Variants in DPP6 observed in about 807,000 individuals in gnomAD.
The protein encoded by DPP6 is dipeptidyl peptidase like 6, also known as A-type potassium channel modulatory protein DPP6.
A neutral mutation model predicts 122.6 loss-of-function variants in DPP6; 69 were observed. That is an observed-to-expected ratio of 0.56 (90% CI 0.46 to 0.69). The LOEUF (loss-of-function observed/expected upper bound fraction) is 0.69, where lower values mean the gene tolerates loss of function less well. Among genes scored for constraint, DPP6 ranks in the 30% least tolerant of loss-of-function variants. The pLI, the probability that DPP6 is intolerant of heterozygous loss-of-function variation, is 0.00. For missense variants in DPP6, 928 were observed against 1,116.9 expected (o/e 0.83, Z 2.41); for synonymous variants, 418 against 433.1 (o/e 0.97, Z 0.43).
At chr7:154,646,052 A>G (rs1836460840) in intron 6 of DPP6, among the ~76,000 whole-genome samples, 1 of 150,826 alleles carries the variant, frequency 6.6e-6, no homozygotes, top group South Asian at 2.1e-4. Flanking sequence ...AAAAGAAAAT[A>G]CTGAGGGCTC....
intron 1 of DPP6, among the ~76,000 whole-genome samples, chr7:154,409,742 T>G (rs1443173159): frequency 6.6e-6 from 1 of 152,160 alleles, no homozygotes; most frequent in Non-Finnish European, 1.5e-5. Context: ...TGAGGTTCCT[T>G]TTACTTGTGA....
chr7:154,859,518 T>C (rs577209704), intron 17 of DPP6, among the ~76,000 whole-genome samples: 2 of 152,358 alleles, frequency 1.3e-5, no homozygotes, highest in East Asian at 3.9e-4. Flanking sequence ...TTGAAATTAC[T>C]GTTTCAGAAT....
At position 154,819,874 on chromosome 7, in the gene DPP6, G is replaced by T. The variant is rs953042012; in HGVS notation, c.1666+12762G>T. On this transcript the variant is annotated intron_variant, in intron 16 of 25. Coordinates refer to ENST00000377770, the MANE Select transcript of DPP6 (RefSeq NM_130797.4). ...TAAAATGAAGACCAAAAAGAAGTTT[G>T]TTTTTTTAGAATTCTGAATTGTGGA... 2.6e-5 allele frequency among the ~76,000 whole-genome samples: 4 copies of T among 152,308 alleles called. No individual in the cohort carries two copies. In the East Asian group the frequency reaches 7.7e-4, roughly 29 times the overall value.
intron 3 of DPP6, among the ~76,000 whole-genome samples, chr7:154,519,846 T>C (rs765970703): frequency 6.6e-6 from 1 of 152,192 alleles, no homozygotes; most frequent in Non-Finnish European, 1.5e-5. Context: ...GGTCAAAAGG[T>C]GTAGTTGGTT....
chr7:154,783,785 C>T lies in DPP6; in HGVS notation c.1137-10294C>T, dbSNP rs141663076. On this transcript the variant is annotated intron_variant, in intron 10 of 25. Coordinates refer to ENST00000377770, the MANE Select transcript of DPP6 (RefSeq NM_130797.4). Reference sequence around the variant, plus strand: ...GTAGAAGCACTTCCTTCTCCTTGCTCTTTGTCTCAAGGAGCTCCCCGCCTG... The same window carrying T: ...GTAGAAGCACTTCCTTCTCCTTGCTTTTTGTCTCAAGGAGCTCCCCGCCTG... 2.4e-4 allele frequency among the ~76,000 whole-genome samples: 36 copies of T among 152,246 alleles called. No individual in the cohort carries two copies. In the Middle Eastern group the frequency reaches 0.02, roughly 86 times the overall value.
At chr7:154,572,756 T>G (rs1249112574) in intron 5 of DPP6, among the ~76,000 whole-genome samples, 1 of 151,158 alleles carries the variant, frequency 6.6e-6, no homozygotes, top group Admixed American at 6.6e-5. Flanking sequence ...CTCAGCTCAC[T>G]GCAACCTCCA....
chr7:153,862,763 C>A, the DPP6 span, among the ~76,000 whole-genome samples: 1 of 151,882 alleles, frequency 6.6e-6, no homozygotes, highest in Middle Eastern at 3.4e-3. Flanking sequence ...AATAAAAGTC[C>A]ATTTTAATAC....
intron 16 of DPP6, among the ~76,000 whole-genome samples, chr7:154,843,908 G>A (rs555915991): frequency 9.8e-5 from 15 of 152,316 alleles, no homozygotes; most frequent in African/African-American, 2.9e-4. Flanking sequence ...TCTGTCTTCC[G>A]TACTGGACTC....
chr7:154,062,842 G>T (rs1159431714), intron 1 of DPP6, among the ~76,000 whole-genome samples: 1 of 130,284 alleles, frequency 7.7e-6, no homozygotes, highest in Non-Finnish European at 1.7e-5. Context: ...GGCGGGGACT[G>T]CGAGCCAGAC....
At chr7:154,127,652 G>GAC (rs66703506) in intron 1 of DPP6, among the ~76,000 whole-genome samples, 26,490 of 78,950 alleles carry the variant, frequency 0.34, 2,735 homozygotes, top group East Asian at 0.62. Flanking sequence ...CACACACACA[G>GAC]ACACACACAC....
intron 3 of DPP6, among the ~76,000 whole-genome samples, chr7:154,496,368 A>G (rs1824738348): frequency 6.6e-6 from 1 of 152,254 alleles, no homozygotes; most frequent in Non-Finnish European, 1.5e-5. Context: ...CACTTAATTT[A>G]ATTAACTTGA....
chr7:154,186,444 C>T (rs1162240188), intron 1 of DPP6, among the ~76,000 whole-genome samples: 2 of 152,262 alleles, frequency 1.3e-5, no homozygotes, highest in East Asian at 1.9e-4. Flanking sequence ...AAATGTATTG[C>T]ATACAACACC....
intron 1 of DPP6, among the ~76,000 whole-genome samples, chr7:154,162,939 T>C (rs191310293): frequency 2.7e-4 from 41 of 152,128 alleles, no homozygotes; most frequent in African/African-American, 9.2e-4. Context: ...AATGTATGCC[T>C]TGCTAGCATT....
At chr7:154,019,587 A>T (rs2533827) in intron 1 of DPP6, among the ~76,000 whole-genome samples, 2 of 151,740 alleles carry the variant, frequency 1.3e-5, no homozygotes, top group African/African-American at 4.9e-5. Context: ...TTCTCCAGAG[A>T]TGTCTTATTA....
At chr7:154,034,313 G>C (rs1461451617) in intron 1 of DPP6, among the ~76,000 whole-genome samples, 1 of 152,154 alleles carries the variant, frequency 6.6e-6, no homozygotes, top group Admixed American at 6.5e-5. Context: ...CCAATCCTTT[G>C]AATTTATAGC....
chr7:154,153,051 A>G (rs546810308), intron 1 of DPP6, among the ~76,000 whole-genome samples: 16 of 152,250 alleles, frequency 1.1e-4, no homozygotes, highest in Admixed American at 5.9e-4. Flanking sequence ...GATGGCCGCA[A>G]TTGCAGCTTT....
Position 154,090,044 on chromosome 7 carries a change from C to G in DPP6, c.243+36981C>G, listed in dbSNP as rs140455696. ...CAACATCCTTTCTTCTCCTCCATTT[C>G]TATGCCTGTGAAGATGTGATGAGCA... On this transcript the variant is annotated intron_variant, in intron 1 of 25. Coordinates refer to ENST00000377770, the MANE Select transcript of DPP6 (RefSeq NM_130797.4). Among the ~76,000 whole-genome samples the G allele has an allele frequency of 2.1e-3, 316 of 152,330 alleles. 2 individuals are homozygous for G. Among genetic ancestry groups the G allele is most frequent in the African/African-American group, 7.1e-3 (294 of 41,580 alleles).
intron 1 of DPP6, among the ~76,000 whole-genome samples, chr7:154,392,394 C>A (rs1212628141): frequency 6.6e-6 from 1 of 152,124 alleles, no homozygotes; most frequent in African/African-American, 2.4e-5. Context: ...TTTTTCTTTT[C>A]TTTTTAAACC....
At chr7:154,012,786 C>G (rs913945423) in intron 1 of DPP6, among the ~76,000 whole-genome samples, 5 of 152,056 alleles carry the variant, frequency 3.3e-5, no homozygotes, top group African/African-American at 1.2e-4. Flanking sequence ...TGGCAGTTTG[C>G]TTATCTTTTA....
Sources: gnomAD v4.1 joint callset for allele counts (sites outside exome capture counted in the v4.1 genomes callset) on GRCh38, gnomAD v4.1.1 for gene constraint, MANE v1.5 for transcripts, NCBI Gene and HGNC (gene_info 2026-07-23, HGNC 2026-07-21) for gene names.